DOCK9: variants seen among roughly 807,000 people sequenced by gnomAD.
DOCK9 encodes dedicator of cytokinesis 9.
A neutral mutation model predicts 263.3 loss-of-function variants in DOCK9; 89 were observed. The ratio of observed to expected loss-of-function variants is 0.34; its 90% CI spans 0.28 to 0.40. The LOEUF is 0.40. Among genes scored for constraint, DOCK9 ranks in the 10% least tolerant of loss-of-function variants. The pLI, the probability that DOCK9 is intolerant of heterozygous loss-of-function variation, is 1.00. For missense variants in DOCK9, 2,140 were observed against 2,603.4 expected (o/e 0.82, Z 3.87); for synonymous variants, 976 against 973.1 (o/e 1.00, Z -0.06).
At chr13:99,063,439 C>T (rs1404355936) in intron 1 of DOCK9, among the ~76,000 whole-genome samples, 1 of 152,220 alleles carries the variant, frequency 6.6e-6, no homozygotes, top group Non-Finnish European at 1.5e-5. Flanking sequence ...AAACACCTTC[C>T]TCCACCCTGC....
intron 19 of DOCK9, 104 bp downstream of exon 19, chr13:98,886,417 TCTGTAATTTCA>T: frequency 1.5e-6 from 1 of 686,526 alleles, no homozygotes. Flanking sequence ...CAGTTCTAGC[TCTGTAATTTCA>T]GTGTAATATG....
At chr13:98,992,830 C>A (rs1431649387) in intron 1 of DOCK9, among the ~76,000 whole-genome samples, 1 of 152,182 alleles carries the variant, frequency 6.6e-6, no homozygotes, top group African/African-American at 2.4e-5. Context: ...CCACAGCTCT[C>A]CTGATGCTGC....
At position 98,837,585 on chromosome 13, in the gene DOCK9, A is replaced by C; in HGVS notation, c.4223T>G (p.Val1408Gly). 6.2e-7 allele frequency: 1 copy of C among 1,613,742 alleles called. No individual in the cohort carries two copies. The highest frequency in any genetic ancestry group is 1.1e-5 in the South Asian group (1 of 91,044). ...NHSYGHSDADVLHQSLLEANI... is the reference protein window; with the variant it reads ...NHSYGHSDADGLHQSLLEANI... ...GGCTTCAAGTAATGACTGGTGCAGA[A>C]CATCTGCGTCCGAGTGGCCATAGCC... The change falls in exon 39 of 53, where the codon GTT (valine) becomes GGT (glycine). Residue 1408 changes from valine (V) to glycine (G), a missense_variant. By Grantham distance (109) the Val-to-Gly change is moderately radical. Around this residue, in one of 2 missense-constraint regions of DOCK9, gnomAD observed 1,521 missense variants for 1,741.7 expected, o/e 0.87. Transcript: ENST00000682017.
intron 1 of DOCK9, among the ~76,000 whole-genome samples, chr13:99,026,583 T>C (rs1328287786): frequency 1.3e-5 from 2 of 152,226 alleles, no homozygotes; most frequent in South Asian, 4.1e-4. Flanking sequence ...TCATTTATTA[T>C]GTTAGGGAGG....
chr13:98,809,611 A>T, intron 46 of DOCK9, 146 bp from the exon 47 acceptor site: 4 of 656,780 alleles, frequency 6.1e-6, no homozygotes, highest in Non-Finnish European at 1.0e-5. Context: ...ACTTGTAGTG[A>T]TCATTAATGA....
upstream of DOCK9, among the ~76,000 whole-genome samples, chr13:98,978,829 G>A (rs1393683505): frequency 3.9e-5 from 6 of 152,136 alleles, no homozygotes; most frequent in African/African-American, 9.7e-5. Context: ...ACAAAAGCAC[G>A]GGAAAATAGC....
At chr13:98,966,386 T>C (rs1387095234) in intron 1 of DOCK9, among the ~76,000 whole-genome samples, 2 of 152,234 alleles carry the variant, frequency 1.3e-5, no homozygotes, top group African/African-American at 4.8e-5. Context: ...CATACAGTAG[T>C]CTCGGCTTCT....
At chr13:98,937,759 C>CT (rs2055133476) in intron 2 of DOCK9, among the ~76,000 whole-genome samples, 1 of 150,822 alleles carries the variant, frequency 6.6e-6, no homozygotes, top group Non-Finnish European at 1.5e-5. Flanking sequence ...CACAGAGTTG[C>CT]TCCCAGAATA....
intron 1 of DOCK9, among the ~76,000 whole-genome samples, chr13:99,013,966 C>T (rs1388841838): frequency 6.6e-6 from 1 of 152,218 alleles, no homozygotes; most frequent in Non-Finnish European, 1.5e-5. Flanking sequence ...ACCTCTGCCA[C>T]ATGCACAGAC....
At chr13:99,046,878 TA>T in intron 1 of DOCK9, among the ~76,000 whole-genome samples, 1 of 152,366 alleles carries the variant, frequency 6.6e-6, no homozygotes, top group Middle Eastern at 3.4e-3. Context: ...TAGCTTTGGA[TA>T]GGTTTTTAAA....
intron 1 of DOCK9, chr13:99,015,820 G>C (rs555874643): frequency 9.5e-6 from 12 of 1,257,316 alleles, no homozygotes; most frequent in Middle Eastern, 3.0e-4. Flanking sequence ...TAAAACAGGA[G>C]GGGTGGTGCA....
chr13:98,954,845 T>C (rs2057839720), intron 2 of DOCK9, among the ~76,000 whole-genome samples: 1 of 146,266 alleles, frequency 6.8e-6, no homozygotes, highest in Non-Finnish European at 1.5e-5. Flanking sequence ...AGACAGAGTA[T>C]AGCACTTTTA....
intron 7 of DOCK9, among the ~76,000 whole-genome samples, chr13:98,919,436 A>G (rs71437979): frequency 0.13 from 19,245 of 152,214 alleles, 1,329 homozygotes; most frequent in South Asian, 0.2. Flanking sequence ...TTGGAAGAAA[A>G]TGCACTTTAA....
intron 5 of DOCK9, 73 bp from the exon 6 acceptor site, chr13:98,922,219 T>C: frequency 2.7e-6 from 3 of 1,125,066 alleles, no homozygotes; most frequent in South Asian, 2.7e-5. Context: ...GTTTGGTCAA[T>C]GGGAAGGTCA....
chr13:99,014,888 C>T (rs1423873274), intron 1 of DOCK9, among the ~76,000 whole-genome samples: 1 of 152,206 alleles, frequency 6.6e-6, no homozygotes, highest in Non-Finnish European at 1.5e-5. Flanking sequence ...CTTCCTCTCG[C>T]TCTCAAGACC....
chr13:98,940,543 C>T (rs1316953986), intron 2 of DOCK9, among the ~76,000 whole-genome samples: 4 of 152,100 alleles, frequency 2.6e-5, no homozygotes, highest in Non-Finnish European at 5.9e-5. Context: ...GGATTACAGG[C>T]GTGACTCACT....
intron 1 of DOCK9, among the ~76,000 whole-genome samples, chr13:99,084,606 G>C (rs552851145): frequency 2.0e-5 from 3 of 152,194 alleles, no homozygotes; most frequent in Non-Finnish European, 4.4e-5. Flanking sequence ...GCAGATATTC[G>C]GGGACTACTG....
chr13:99,037,527 A>G (rs922607643), intron 1 of DOCK9, among the ~76,000 whole-genome samples: 4 of 152,222 alleles, frequency 2.6e-5, no homozygotes, highest in East Asian at 1.9e-4. Flanking sequence ...ATAAAACGAT[A>G]TAACTACCTT....
intron 1 of DOCK9, among the ~76,000 whole-genome samples, chr13:99,045,944 A>G: frequency 6.6e-6 from 1 of 151,756 alleles, no homozygotes; most frequent in Non-Finnish European, 1.5e-5. Flanking sequence ...TACAAAAAAA[A>G]AAAAAAATTA....
Sources: gnomAD v4.1 joint callset for allele counts (sites outside exome capture counted in the v4.1 genomes callset) on GRCh38, gnomAD v4.1.1 for gene constraint, gnomAD v4.1.1 regional missense constraint, MANE v1.5 for transcripts, NCBI Gene and HGNC (gene_info 2026-07-23, HGNC 2026-07-21) for gene names.